Variants in FOCAD observed in about 807,000 individuals in gnomAD.
FOCAD encodes the protein KIAA1797.
Under a neutral mutation model 225.6 loss-of-function variants are expected in FOCAD, and 198 were observed. That is an observed-to-expected ratio of 0.88 (90% CI 0.78 to 0.99). FOCAD has a LOEUF of 0.99. Among genes scored for constraint, FOCAD ranks in the 50% least tolerant of loss-of-function variants. The pLI is 0.00. For missense variants in FOCAD, 2,713 were observed against 2,123.6 expected, an observed-to-expected ratio of 1.28 and a Z score of -5.46; for synonymous variants, 897 against 755.0, an observed-to-expected ratio of 1.19 and a Z score of -3.08.
intron 34 of FOCAD, 128 bp downstream of exon 34, chr9:20,951,226 G>A (rs1178781667): frequency 1.0e-5 from 7 of 694,940 alleles, no homozygotes; most frequent in South Asian, 3.7e-5. Context: ...TCTGTTTTAC[G>A]TCAGAGGGAA....
intron 1 of FOCAD, among the ~76,000 whole-genome samples, chr9:20,704,019 T>C (rs1323985676): frequency 6.6e-6 from 1 of 152,238 alleles, no homozygotes; most frequent in Non-Finnish European, 1.5e-5. Flanking sequence ...GTTATCATGA[T>C]GATAGAGGTA....
intron 8 of FOCAD, among the ~76,000 whole-genome samples, chr9:20,778,276 G>A (rs543776270): frequency 2.6e-5 from 4 of 151,802 alleles, no homozygotes; most frequent in Admixed American, 6.6e-5. Context: ...ATGGAATCTC[G>A]CTCTGCCACC....
intron 24 of FOCAD, among the ~76,000 whole-genome samples, chr9:20,917,650 T>C (rs1329232783): frequency 2.0e-5 from 3 of 151,902 alleles, no homozygotes; most frequent in Non-Finnish European, 2.9e-5. Context: ...CTTTCTTTCT[T>C]GCCTCCAACC....
At chr9:20,943,637 G>A (rs1368774216) in intron 28 of FOCAD, among the ~76,000 whole-genome samples, 2 of 152,068 alleles carry the variant, frequency 1.3e-5, no homozygotes, top group Admixed American at 6.5e-5. Flanking sequence ...CTGACCAAGG[G>A]GGTAGATGCT....
intron 16 of FOCAD, among the ~76,000 whole-genome samples, chr9:20,865,077 T>TG (rs1458214829): frequency 6.6e-6 from 1 of 152,126 alleles, no homozygotes; most frequent in Non-Finnish European, 1.5e-5. Context: ...CATTATACCA[T>TG]GTTATCAGTC....
chr9:20,847,630 C>T (rs991341580), intron 15 of FOCAD, among the ~76,000 whole-genome samples: 1 of 151,832 alleles, frequency 6.6e-6, no homozygotes, highest in Non-Finnish European at 1.5e-5. Context: ...TCATTCTTGG[C>T]AATAAGAGTA....
chr9:20,672,360 T>C (rs1355758642), intron 2 of FOCAD, among the ~76,000 whole-genome samples: 1 of 152,256 alleles, frequency 6.6e-6, no homozygotes, highest in African/African-American at 2.4e-5. Context: ...AGCATCTTTA[T>C]TGATAAATAT....
intron 28 of FOCAD, among the ~76,000 whole-genome samples, chr9:20,939,195 A>T (rs764411805): frequency 1.5e-4 from 23 of 149,660 alleles, no homozygotes; most frequent in Non-Finnish European, 3.0e-4. Flanking sequence ...GAGTAAAGAA[A>T]GAGTTTGATG....
At chr9:20,783,232 A>ACT (rs1314492096) in intron 10 of FOCAD, among the ~76,000 whole-genome samples, 2 of 152,170 alleles carry the variant, frequency 1.3e-5, no homozygotes, top group Non-Finnish European at 2.9e-5. Flanking sequence ...TAATATCTGG[A>ACT]CTTTCTCTTT....
At chr9:20,831,594 C>G (rs986525445) in intron 15 of FOCAD, among the ~76,000 whole-genome samples, 1 of 151,982 alleles carries the variant, frequency 6.6e-6, no homozygotes, top group African/African-American at 2.4e-5. Flanking sequence ...CAGAATATTT[C>G]AAACCTTAAG....
chr9:20,759,573 A>G (rs1480400595), intron 6 of FOCAD, among the ~76,000 whole-genome samples: 2 of 152,232 alleles, frequency 1.3e-5, no homozygotes, highest in East Asian at 1.9e-4. Flanking sequence ...AAGATGGATT[A>G]AAGACTTACA....
chr9:20,877,394 A>G (rs1487781065), intron 19 of FOCAD, among the ~76,000 whole-genome samples: 1 of 152,240 alleles, frequency 6.6e-6, no homozygotes, highest in Non-Finnish European at 1.5e-5. Context: ...GTTTATTTAC[A>G]TTTTAAAAGG....
intron 21 of FOCAD, among the ~76,000 whole-genome samples, chr9:20,886,154 C>T (rs944159880): frequency 6.6e-6 from 1 of 152,132 alleles, no homozygotes; most frequent in African/African-American, 2.4e-5. Flanking sequence ...TGTCCTTTGC[C>T]ATCCATTTTC....
intron 24 of FOCAD, among the ~76,000 whole-genome samples, chr9:20,921,078 T>C (rs1226066877): frequency 6.6e-6 from 1 of 151,792 alleles, no homozygotes; most frequent in African/African-American, 2.4e-5. Flanking sequence ...AAAAAGAACA[T>C]TTAAAGCTTC....
chr9:20,823,907 T>G (rs1246251284), intron 15 of FOCAD, among the ~76,000 whole-genome samples: 2 of 152,084 alleles, frequency 1.3e-5, no homozygotes, highest in Non-Finnish European at 2.9e-5. Context: ...GTATTTTTCT[T>G]AACAACTCTG....
chr9:20,679,495 A>G (rs1302319452), upstream of FOCAD, among the ~76,000 whole-genome samples: 1 of 152,068 alleles, frequency 6.6e-6, no homozygotes, highest in Non-Finnish European at 1.5e-5. Flanking sequence ...TACAGGATTC[A>G]GACTACAGTG....
In FOCAD at chr9:20,945,709, A is replaced by T. The variant is rs142736487; in HGVS notation, c.3555+935A>T. On this transcript the variant is annotated intron_variant, in intron 29 of 43. Coordinates refer to ENST00000338382, the MANE Select transcript of FOCAD (RefSeq NM_001375567.1). ...AGCAAATTAATTATAAATGAAAGCAATGTTTTTATAACTGATGCATCTGTA... is the reference window on the plus strand; with the variant it reads ...AGCAAATTAATTATAAATGAAAGCATTGTTTTTATAACTGATGCATCTGTA... 2.6e-3 allele frequency among the ~76,000 whole-genome samples: 401 copies of T among 152,288 alleles called. 2 individuals carry two copies. Among genetic ancestry groups the T allele is most frequent in the African/African-American group, 9.4e-3 (392 of 41,564 alleles).
At chr9:20,923,436 A>C (rs1398054223) in intron 24 of FOCAD, among the ~76,000 whole-genome samples, 1 of 152,238 alleles carries the variant, frequency 6.6e-6, no homozygotes, top group African/African-American at 2.4e-5. Context: ...ATGAAAAGGC[A>C]TAATGACCCA....
At chr9:20,796,138 A>G (rs373687660) in intron 11 of FOCAD, among the ~76,000 whole-genome samples, 2 of 152,198 alleles carry the variant, frequency 1.3e-5, no homozygotes, top group East Asian at 1.9e-4. Context: ...TACAAAGGAC[A>G]TGAACTCATA....
Sources: gnomAD v4.1 joint callset for allele counts (sites outside exome capture counted in the v4.1 genomes callset) on GRCh38, gnomAD v4.1.1 for gene constraint, MANE v1.5 for transcripts, NCBI Gene and HGNC (gene_info 2026-07-23, HGNC 2026-07-21) for gene names.